Variants in RYR3 observed in about 807,000 individuals in gnomAD.
RYR3 encodes the protein ryanodine receptor 3.
A neutral mutation model predicts 584.3 loss-of-function variants in RYR3; 207 were observed. The observed-to-expected ratio is 0.35, with a 90% CI of 0.32 to 0.40. The LOEUF (loss-of-function observed/expected upper bound fraction) is 0.40, where lower values mean the gene tolerates loss of function less well. Ranked by LOEUF, RYR3 falls within the 10% of genes least tolerant of loss-of-function variation. The pLI, the probability that RYR3 is intolerant of heterozygous loss-of-function variation, is 1.00. For synonymous variants in RYR3, 2,416 were observed against 2,248.5 expected, an observed-to-expected ratio of 1.07 and a Z score of -2.11; for missense variants, 5,616 against 6,089.2, an observed-to-expected ratio of 0.92 and a Z score of 2.59.
intron 62 of RYR3, among the ~76,000 whole-genome samples, chr15:33,770,489 C>T (rs150638684): frequency 1.3e-5 from 2 of 152,126 alleles, no homozygotes; most frequent in Non-Finnish European, 2.9e-5. Context: ...CAGTGGCTCA[C>T]GCCTGTAATC....
rs200936684 is a variant in RYR3 at position 33,696,432 on chromosome 15, C to A, written c.6075C>A (p.Arg2025=). The A allele has an allele frequency of 1.2e-6, 2 of 1,613,986 alleles. No homozygotes were observed. Among genetic ancestry groups the A allele is most frequent in the African/African-American group, 2.7e-5 (2 of 75,038 alleles). ...TGCTGGCTGCCCTGGGCCAAATCCGCTCCCTCCTCAGTGTCAGGATGGGCA... is the reference window on the plus strand; with the variant it reads ...TGCTGGCTGCCCTGGGCCAAATCCGATCCCTCCTCAGTGTCAGGATGGGCA... The part of the protein sequence containing the change: ...INLLAALGQI[R]SLLSVRMGKE... The change falls in exon 39 of 104, where the codon CGC becomes CGA. Residue 2025 remains arginine (R), a synonymous_variant. Coordinates refer to ENST00000634891, the MANE Select transcript of RYR3 (RefSeq NM_001036.6).
At chr15:33,681,243 C>A (rs932143812) in intron 38 of RYR3, among the ~76,000 whole-genome samples, 1 of 152,198 alleles carries the variant, frequency 6.6e-6, no homozygotes, top group Non-Finnish European at 1.5e-5. Flanking sequence ...ATCCTCAACC[C>A]AAGACTTTCT....
intron 62 of RYR3, 71 bp from the exon 63 acceptor site, chr15:33,771,849 G>A (rs1389585366): frequency 1.9e-6 from 2 of 1,061,050 alleles, no homozygotes; most frequent in Non-Finnish European, 2.8e-6. Context: ...AGATGACACT[G>A]CCAGTTTCAA....
intron 49 of RYR3, among the ~76,000 whole-genome samples, chr15:33,736,740 T>A (rs2069501967): frequency 6.6e-6 from 1 of 151,766 alleles, no homozygotes; most frequent in Non-Finnish European, 1.5e-5. Context: ...CTTTTTTGTT[T>A]GTTTGTTTTC....
chr15:33,354,333 G>C (rs1422827901), intron 1 of RYR3, among the ~76,000 whole-genome samples: 2 of 152,142 alleles, frequency 1.3e-5, no homozygotes, highest in Non-Finnish European at 2.9e-5. Context: ...ATTGGAATCT[G>C]GTCTGCCCTC....
chr15:33,450,098 A>AAAAAAAG, intron 1 of RYR3, among the ~76,000 whole-genome samples: 1 of 148,758 alleles, frequency 6.7e-6, no homozygotes, highest in Non-Finnish European at 1.5e-5. Context: ...AAAAAAAAAA[A>AAAAAAAG]AAAAAAAAAA....
At chr15:33,741,241 G>A (rs376349603) in intron 51 of RYR3, among the ~76,000 whole-genome samples, 4 of 152,284 alleles carry the variant, frequency 2.6e-5, no homozygotes, top group African/African-American at 9.6e-5. Flanking sequence ...CAAGAATATG[G>A]GGTCATTATC....
intron 99 of RYR3, among the ~76,000 whole-genome samples, 178 bp from the exon 100 acceptor site, chr15:33,859,373 TCTTTCCATCTTTGTAGATATCAAA>T (rs1335271474): frequency 6.6e-6 from 1 of 152,222 alleles, no homozygotes; most frequent in Non-Finnish European, 1.5e-5. Flanking sequence ...GTAACGACAG[TCTTTCCATCTTTGTAGATATCAAA>T]CTGTCCAGAG....
At chr15:33,612,159 A>G (rs1219510703) in intron 18 of RYR3, among the ~76,000 whole-genome samples, 3 of 152,186 alleles carry the variant, frequency 2.0e-5, no homozygotes. Context: ...TACTTTTAGA[A>G]TTTCCAGAAT....
At chr15:33,818,493 G>C (rs1306606635) in intron 75 of RYR3, 85 bp from the exon 76 acceptor site, 5 of 948,438 alleles carry the variant, frequency 5.3e-6, no homozygotes, top group Non-Finnish European at 8.3e-6. Context: ...TGTGCCTTGC[G>C]CTTTACCTTC....
chr15:33,501,792 A>G (rs1324460138), intron 2 of RYR3, among the ~76,000 whole-genome samples: 2 of 152,212 alleles, frequency 1.3e-5, no homozygotes, highest in Non-Finnish European at 1.5e-5. Flanking sequence ...GTACTGTACA[A>G]ACATTTCCTG....
intron 85 of RYR3, among the ~76,000 whole-genome samples, chr15:33,830,338 T>C (rs1407049131): frequency 6.6e-6 from 1 of 152,218 alleles, no homozygotes; most frequent in East Asian, 1.9e-4. Context: ...ATGGTGGAAC[T>C]TACAACTTGC....
chr15:33,838,709 C>T lies in RYR3; in HGVS notation c.12729C>T (p.Ile4243=). 6.2e-7 allele frequency: 1 copy of T among 1,613,882 alleles called. No homozygotes were observed. Residue 4243 remains isoleucine, a synonymous_variant, in exon 89 of 104, where the codon ATC becomes ATT. Coordinates refer to ENST00000634891, the MANE Select transcript of RYR3 (RefSeq NM_001036.6). ...TGCCTGACCCAACCCAATTTGGTAT[C>T]CATGATGACACTATGGAGGCTGAGA... is the stretch of plus-strand genomic sequence containing the variant. ...GDMPDPTQFG[I]HDDTMEAERA...
intron 1 of RYR3, among the ~76,000 whole-genome samples, chr15:33,392,840 A>G (rs2042086174): frequency 6.6e-6 from 1 of 152,224 alleles, no homozygotes. Flanking sequence ...ATGCCAGTAT[A>G]ATTATATCAC....
intron 59 of RYR3, among the ~76,000 whole-genome samples, 194 bp from the exon 60 acceptor site, chr15:33,757,281 C>T (rs1199791412): frequency 6.6e-6 from 1 of 152,058 alleles, no homozygotes; most frequent in African/African-American, 2.4e-5. Flanking sequence ...CTTTCACATG[C>T]CCTTAAGGAC....
chr15:33,669,857 G>GTGGT (rs55726756), intron 37 of RYR3, among the ~76,000 whole-genome samples: 1,380 of 59,926 alleles, frequency 0.023, 199 homozygotes, highest in East Asian at 0.13. Flanking sequence ...GGGGGGGGGG[G>GTGGT]GTGTGGGTGT....
In RYR3 at chr15:33,731,671, A is replaced by G. The variant is rs750364362; in HGVS notation, c.7401A>G (p.Glu2467=). The G allele has an allele frequency of 1.2e-6, 2 of 1,612,424 alleles. No homozygotes were observed. The highest frequency in any genetic ancestry group is 1.7e-6 in the Non-Finnish European group (2 of 1,178,604). Residue 2467 remains glutamate, a synonymous_variant, in exon 48 of 104, where the codon GAA becomes GAG. Coordinates refer to ENST00000634891, the MANE Select transcript of RYR3 (RefSeq NM_001036.6). ...SLTKAQRDTI[E]ECLLAICNHL... is the part of the protein sequence containing the mutation. ...CCAAAGCACAAAGGGACACTATAGA[A>G]GAATGTTTGCTTGCCATTTGCAAGT... is the stretch of plus-strand genomic sequence containing the variant.
intron 3 of RYR3, among the ~76,000 whole-genome samples, chr15:33,527,184 T>C (rs1412647381): frequency 6.6e-6 from 1 of 152,216 alleles, no homozygotes; most frequent in Non-Finnish European, 1.5e-5. Flanking sequence ...GACTATGGCC[T>C]GTTTATGTAC....
At chr15:33,531,596 G>C (rs916299526) in intron 4 of RYR3, among the ~76,000 whole-genome samples, 1 of 151,738 alleles carries the variant, frequency 6.6e-6, no homozygotes, top group Non-Finnish European at 1.5e-5. Context: ...GACAACAGGA[G>C]CAACAGCTGC....
Sources: gnomAD v4.1 joint callset for allele counts (sites outside exome capture counted in the v4.1 genomes callset) on GRCh38, gnomAD v4.1.1 for gene constraint, MANE v1.5 for transcripts, NCBI Gene and HGNC (gene_info 2026-07-23, HGNC 2026-07-21) for gene names.